Variants in ASIC2 observed in about 807,000 individuals in gnomAD.
ASIC2 encodes acid sensing ion channel subunit 2, also known as acid-sensing ion channel 2.
Under a neutral mutation model 57.3 loss-of-function variants are expected in ASIC2, and 25 were observed. That is an observed-to-expected ratio of 0.44 (90% confidence interval 0.32 to 0.61). The LOEUF (loss-of-function observed/expected upper bound fraction) is 0.61. ASIC2 is among the 20% of genes least tolerant of loss of function. The pLI is 0.06. For missense variants in ASIC2, 641 were observed against 738.1 expected (o/e 0.87, Z 1.52); for synonymous variants, 319 against 307.5 (o/e 1.04, Z -0.39).
rs560624047 is a variant in ASIC2, at chr17:33,418,784, G to A, written c.556-306717C>T. Among the ~76,000 whole-genome samples the A allele has an allele frequency of 8.5e-5, 13 of 152,278 alleles. No individual in the cohort carries two copies. The East Asian group carries it at 2.3e-3, about 27-fold the overall frequency. On this transcript the variant is annotated intron_variant, in intron 1 of 9. Transcript: ENST00000359872. ...GATTACTGTAGCCATAAAAAAGGAT[G>A]AGTTCGTGTCCTTTGCAGGGACCCG... is the stretch of plus-strand genomic sequence containing the variant.
intron 1 of ASIC2, among the ~76,000 whole-genome samples, chr17:33,168,425 G>A (rs1238929349): frequency 2.0e-5 from 3 of 152,346 alleles, no homozygotes; most frequent in African/African-American, 4.8e-5. Context: ...GGCCCCAGAA[G>A]AGAGGAGCTG....
intron 1 of ASIC2, among the ~76,000 whole-genome samples, chr17:33,732,337 G>A (rs1350903165): frequency 6.6e-6 from 1 of 152,128 alleles, no homozygotes; most frequent in African/African-American, 2.4e-5. Context: ...CGCTGTCCTA[G>A]GTGCTGAATA....
In ASIC2 at chr17:33,028,242, C is replaced by A; in HGVS notation, c.1138G>T (p.Gly380Trp). Residue 380 changes from glycine to tryptophan, a missense_variant and splice_region_variant, in exon 4 of 10, where the codon GGG becomes TGG. Gly to Trp is a radical substitution (Grantham distance 184, BLOSUM62 -2). Transcript: ENST00000225823. Reference sequence around the variant, plus strand: ...GTGGCCACCCTGCCCTGGCACTGACCTGGCATGTGAACCATGCGGCAGTTG... The same window carrying A: ...GTGGCCACCCTGCCCTGGCACTGACATGGCATGTGAACCATGCGGCAGTTG... ...NCNCRMVHMPGDAPFCTPEQH... is the reference protein window; with the variant it reads ...NCNCRMVHMPWDAPFCTPEQH... The A allele has an allele frequency of 6.2e-7, 1 of 1,613,912 alleles. No individual in the cohort carries two copies. Among genetic ancestry groups the A allele is most frequent in the Non-Finnish European group, 8.5e-7 (1 of 1,179,992 alleles).
chr17:33,209,472 A>G (rs1269189177), intron 1 of ASIC2, among the ~76,000 whole-genome samples: 2 of 152,192 alleles, frequency 1.3e-5, no homozygotes, highest in Non-Finnish European at 2.9e-5. Context: ...ACTCTTTGTG[A>G]CAGGGGACAG....
intron 1 of ASIC2, among the ~76,000 whole-genome samples, chr17:34,012,822 GAA>G (rs1355510011): frequency 6.6e-6 from 1 of 152,182 alleles, no homozygotes; most frequent in African/African-American, 2.4e-5. Flanking sequence ...TCAGCCCAGG[GAA>G]AGAGTTCAGG....
chr17:33,979,194 T>C (rs1252088380), intron 1 of ASIC2, among the ~76,000 whole-genome samples: 1 of 151,990 alleles, frequency 6.6e-6, no homozygotes, highest in South Asian at 2.1e-4. Flanking sequence ...CACCAATCCA[T>C]CAGAGCCGTG....
rs142351628 is a variant in ASIC2 at position 33,281,825 on chromosome 17, G to A, written c.708+9583C>T. On this transcript the variant is annotated intron_variant, in intron 1 of 9. Coordinates refer to ENST00000225823, the MANE Select transcript of ASIC2 (RefSeq NM_183377.2). ...GCATGAACCAAATGAGTCTCAGTAA[G>A]GGTAAGCAGCTCTCTAACGGCCACC... Among the ~76,000 whole-genome samples, 1,279 of 152,248 alleles carry A rather than the reference G, an allele frequency of 8.4e-3. 24 individuals are homozygous for A. Among genetic ancestry groups the A allele is most frequent in the African/African-American group, 0.029 (1,215 of 41,556 alleles).
intron 1 of ASIC2, among the ~76,000 whole-genome samples, chr17:33,881,123 A>G (rs1403662902): frequency 1.3e-5 from 2 of 151,796 alleles, no homozygotes. Flanking sequence ...AAATAATAAG[A>G]GCTATCTATG....
chr17:33,482,674 C>A (rs547557706), intron 1 of ASIC2, among the ~76,000 whole-genome samples: 1 of 152,210 alleles, frequency 6.6e-6, no homozygotes, highest in African/African-American at 2.4e-5. Flanking sequence ...TGAATAGACA[C>A]TGGGTCTAGG....
intron 1 of ASIC2, chr17:33,976,631 C>T (rs1905398255): frequency 6.6e-6 from 1 of 152,112 alleles, no homozygotes; most frequent in Non-Finnish European, 1.5e-5. Context: ...GCATCATTAT[C>T]CTCAATAAAC....
At chr17:34,058,982 T>C (rs1225266072) in intron 1 of ASIC2, among the ~76,000 whole-genome samples, 5 of 152,090 alleles carry the variant, frequency 3.3e-5, no homozygotes. Flanking sequence ...GATTTAACAA[T>C]TGTTTAGGGA....
chr17:34,120,808 G>A (rs1157716714), intron 1 of ASIC2, among the ~76,000 whole-genome samples: 2 of 137,878 alleles, frequency 1.5e-5, no homozygotes, highest in Non-Finnish European at 3.0e-5. Context: ...GCACCATCTC[G>A]GCTCACTGCA....
At chr17:33,460,547 A>G (rs778910813) in intron 1 of ASIC2, among the ~76,000 whole-genome samples, 2 of 152,182 alleles carry the variant, frequency 1.3e-5, no homozygotes, top group Non-Finnish European at 2.9e-5. Flanking sequence ...TGCAAAGGGA[A>G]GTTTGCATAA....
intron 1 of ASIC2, among the ~76,000 whole-genome samples, chr17:33,923,579 C>A (rs1286767516): frequency 6.6e-6 from 1 of 152,116 alleles, no homozygotes; most frequent in Admixed American, 6.5e-5. Context: ...CTGGACCTTA[C>A]AATTATTTAT....
intron 1 of ASIC2, among the ~76,000 whole-genome samples, chr17:33,823,138 A>G (rs1163526964): frequency 1.3e-5 from 2 of 152,160 alleles, no homozygotes; most frequent in Non-Finnish European, 2.9e-5. Flanking sequence ...CACCCTGTTC[A>G]GTAGTGGGGG....
chr17:33,265,402 T>C (rs1170427618), intron 1 of ASIC2, among the ~76,000 whole-genome samples: 1 of 151,978 alleles, frequency 6.6e-6, no homozygotes, highest in Admixed American at 6.5e-5. Context: ...CAAACTAACA[T>C]AGGAACAGGA....
intron 1 of ASIC2, among the ~76,000 whole-genome samples, chr17:33,639,095 G>A (rs1906470297): frequency 6.6e-6 from 1 of 151,736 alleles, no homozygotes; most frequent in South Asian, 2.1e-4. Context: ...TACCATGGGA[G>A]CTCACCATGG....
intron 1 of ASIC2, among the ~76,000 whole-genome samples, chr17:33,539,275 T>A (rs1309823414): frequency 2.0e-5 from 3 of 152,266 alleles, no homozygotes; most frequent in Non-Finnish European, 2.9e-5. Flanking sequence ...AGTTTCTAAA[T>A]GGGCAGCCAG....
intron 1 of ASIC2, among the ~76,000 whole-genome samples, chr17:33,588,028 T>C (rs1904696624): frequency 6.6e-6 from 1 of 152,222 alleles, no homozygotes; most frequent in Non-Finnish European, 1.5e-5. Context: ...GTTGGGACTG[T>C]AAAATGTTCC....
Sources: allele counts gnomAD v4.1 joint callset (sites outside exome capture counted in the v4.1 genomes callset), GRCh38; gene constraint gnomAD v4.1.1; transcripts MANE v1.5; gene names NCBI Gene and HGNC (gene_info 2026-07-23, HGNC 2026-07-21).